The following GAD2 variants were observed in gnomAD, a reference collection of about 807,000 sequenced individuals.
GAD2 encodes the protein 65 kDa glutamic acid decarboxylase.
A neutral mutation model predicts 80.1 loss-of-function variants in GAD2; 22 were observed. That is an observed-to-expected ratio of 0.27 (90% CI 0.20 to 0.39). The LOEUF (loss-of-function observed/expected upper bound fraction) is 0.39. Ranked by LOEUF, GAD2 falls within the 10% of genes least tolerant of loss-of-function variation. GAD2 has a pLI of 1.00. For missense variants in GAD2, 624 were observed against 738.4 expected (o/e 0.85, Z 1.80); for synonymous variants, 274 against 256.9 (o/e 1.07, Z -0.64).
chr10:26,282,248 T>A (rs1343818870), intron 12 of GAD2, among the ~76,000 whole-genome samples: 1 of 152,170 alleles, frequency 6.6e-6, no homozygotes. Flanking sequence ...CAGCCAAATA[T>A]CTATCTTCAT....
intron 7 of GAD2, among the ~76,000 whole-genome samples, chr10:26,232,804 ACTT>A (rs1193466189): frequency 2.0e-5 from 3 of 152,096 alleles, no homozygotes; most frequent in Non-Finnish European, 1.5e-5. Context: ...CGCCCAGACT[ACTT>A]CTTCATTTCT....
intron 10 of GAD2, among the ~76,000 whole-genome samples, 193 bp downstream of exon 10, chr10:26,270,949 C>G (rs753772421): frequency 6.6e-6 from 1 of 152,164 alleles, no homozygotes; most frequent in East Asian, 1.9e-4. Context: ...CCAGAAGCAT[C>G]CCAAGGCTGA....
intron 8 of GAD2, among the ~76,000 whole-genome samples, chr10:26,256,485 C>T (rs757383504): frequency 2.6e-5 from 4 of 152,278 alleles, no homozygotes; most frequent in Admixed American, 6.5e-5. Context: ...TTTCCCAGTC[C>T]GGGATCACAC....
chr10:26,282,006 G>A (rs1172883253), intron 12 of GAD2, among the ~76,000 whole-genome samples: 1 of 152,034 alleles, frequency 6.6e-6, no homozygotes, highest in East Asian at 1.9e-4. Flanking sequence ...GCAATGGTGC[G>A]ATCTTGGCAC....
chr10:26,236,591 G>A (rs914264393), intron 7 of GAD2, among the ~76,000 whole-genome samples: 30 of 152,096 alleles, frequency 2.0e-4, no homozygotes, highest in Middle Eastern at 3.2e-3. Context: ...GTGAGCCACC[G>A]CACCTGGCCA....
intron 11 of GAD2, among the ~76,000 whole-genome samples, chr10:26,278,848 G>T (rs142493283): frequency 2.0e-3 from 311 of 151,730 alleles, no homozygotes; most frequent in African/African-American, 7.1e-3. Flanking sequence ...GCCAGTGAGC[G>T]CTCTCTGACT....
At chr10:26,240,530 G>A (rs1025073512) in intron 7 of GAD2, among the ~76,000 whole-genome samples, 10 of 151,934 alleles carry the variant, frequency 6.6e-5, no homozygotes, top group Admixed American at 5.2e-4. Flanking sequence ...TCAGGAGTTC[G>A]AGACCAGCCT....
At chr10:26,278,599 C>A (rs1280770724) in intron 11 of GAD2, among the ~76,000 whole-genome samples, 4 of 152,118 alleles carry the variant, frequency 2.6e-5, no homozygotes, top group African/African-American at 7.2e-5. Context: ...GGTCCTGACT[C>A]CAGGGTCATT....
At chr10:26,226,741 C>T (rs1304813317) in intron 6 of GAD2, among the ~76,000 whole-genome samples, 1 of 152,216 alleles carries the variant, frequency 6.6e-6, no homozygotes, top group Non-Finnish European at 1.5e-5. Context: ...CATACTGTGT[C>T]ATAGCTCCAT....
intron 8 of GAD2, among the ~76,000 whole-genome samples, chr10:26,253,152 T>A (rs1425045821): frequency 6.6e-6 from 1 of 152,216 alleles, no homozygotes; most frequent in East Asian, 1.9e-4. Flanking sequence ...GATAAGGTAA[T>A]GTAAAACTTC....
At chr10:26,265,292 C>T (rs187881816) in intron 8 of GAD2, among the ~76,000 whole-genome samples, 2 of 151,724 alleles carry the variant, frequency 1.3e-5, no homozygotes, top group African/African-American at 4.8e-5. Flanking sequence ...CAACCTCCAC[C>T]TCCCGGGTTC....
chr10:26,292,401 C>T (rs1834225905), intron 13 of GAD2, 64 bp from the exon 14 acceptor site: 1 of 1,195,708 alleles, frequency 8.4e-7, no homozygotes, highest in Non-Finnish European at 1.2e-6. Context: ...CGGTCAGTCT[C>T]CAGGGAAATC....
chr10:26,286,244 A>T, intron 12 of GAD2, 101 bp from the exon 13 acceptor site: 1 of 1,023,230 alleles, frequency 9.8e-7, no homozygotes, highest in East Asian at 2.7e-5. Context: ...TTTCTCTAAG[A>T]TATGCAATGT....
Position 26,270,788 on chromosome 10 carries a change from C to T in GAD2, c.1092+32C>T, listed in dbSNP as rs202180991. The T allele has an allele frequency of 3.8e-5, 51 of 1,328,236 alleles. No individual in the cohort carries two copies. In the East Asian group the frequency reaches 5.7e-4, roughly 15 times the overall value. 82.3% of individuals were successfully genotyped at this position (1,328,236 alleles called of 1,614,324 possible). On this transcript the variant is annotated intron_variant, in intron 10 of 15. Transcript: ENST00000376261. ...ATCCCTTAGGGACTGGCCACTAAAACGTCCTTGCACGTTTTTCATGTGGGA... is the reference window on the plus strand; with the variant it reads ...ATCCCTTAGGGACTGGCCACTAAAATGTCCTTGCACGTTTTTCATGTGGGA...
At chr10:26,285,915 C>T (rs1188322939) in intron 12 of GAD2, among the ~76,000 whole-genome samples, 1 of 152,114 alleles carries the variant, frequency 6.6e-6, no homozygotes, top group African/African-American at 2.4e-5. Flanking sequence ...GGAAGAACCA[C>T]ACTAATAATA....
chr10:26,220,545 T>C (rs1482842507), intron 4 of GAD2, among the ~76,000 whole-genome samples: 1 of 152,166 alleles, frequency 6.6e-6, no homozygotes, highest in Non-Finnish European at 1.5e-5. Context: ...GTATTAGACA[T>C]CATCCTCAAT....
intron 15 of GAD2, among the ~76,000 whole-genome samples, chr10:26,293,493 CA>C (rs898239725): frequency 6.6e-6 from 1 of 152,114 alleles, no homozygotes; most frequent in Admixed American, 6.6e-5. Flanking sequence ...AGACTTTTAA[CA>C]ACTCTATTTG....
intron 7 of GAD2, 80 bp from the exon 8 acceptor site, chr10:26,245,841 A>G: frequency 8.8e-7 from 1 of 1,140,822 alleles, no homozygotes; most frequent in Non-Finnish European, 1.3e-6. Context: ...GGAAAAAAGG[A>G]AAACAGAAAA....
intron 8 of GAD2, among the ~76,000 whole-genome samples, chr10:26,256,065 A>T (rs950652930): frequency 6.6e-6 from 1 of 152,146 alleles, no homozygotes; most frequent in African/African-American, 2.4e-5. Flanking sequence ...AAATAATTTC[A>T]AATTTAAAGG....
Sources: allele counts gnomAD v4.1 joint callset (sites outside exome capture counted in the v4.1 genomes callset), GRCh38; gene constraint gnomAD v4.1.1; transcripts MANE v1.5; gene names NCBI Gene and HGNC (gene_info 2026-07-23, HGNC 2026-07-21).